SLCO1A2: variants seen among roughly 807,000 people sequenced by gnomAD.
The protein encoded by SLCO1A2 is OATP-1.
A neutral mutation model predicts 69.0 loss-of-function variants in SLCO1A2; 67 were observed. The ratio of observed to expected loss-of-function variants is 0.97; its 90% CI spans 0.80 to 1.19. The LOEUF (loss-of-function observed/expected upper bound fraction) is 1.19, where lower values mean the gene tolerates loss of function less well. Ranked by LOEUF, SLCO1A2 falls within the 50% of genes most tolerant of loss-of-function variation. SLCO1A2 has a pLI of 0.00. For synonymous variants in SLCO1A2, 260 were observed against 265.9 expected (o/e 0.98, Z 0.22); for missense variants, 787 against 793.7 (o/e 0.99, Z 0.10).
intron 2 of SLCO1A2, among the ~76,000 whole-genome samples, chr12:21,325,782 G>A (rs1019464499): frequency 1.3e-5 from 2 of 152,112 alleles, no homozygotes; most frequent in Admixed American, 6.6e-5. Context: ...CCTCTGGGGT[G>A]AGTCCTCTGA....
chr12:21,315,179 G>C (rs989998540), intron 3 of SLCO1A2, among the ~76,000 whole-genome samples: 1 of 152,040 alleles, frequency 6.6e-6, no homozygotes, highest in African/African-American at 2.4e-5. Flanking sequence ...TCTTCATTTT[G>C]GTCAACATGA....
upstream of SLCO1A2, among the ~76,000 whole-genome samples, chr12:21,397,422 T>G (rs1477544350): frequency 6.6e-6 from 1 of 152,054 alleles, no homozygotes; most frequent in African/African-American, 2.4e-5. Flanking sequence ...ACATTAATAA[T>G]GGGAGACTTT....
intron 4 of SLCO1A2, among the ~76,000 whole-genome samples, chr12:21,312,912 A>G (rs1428028635): frequency 1.3e-5 from 2 of 151,848 alleles, no homozygotes; most frequent in Non-Finnish European, 1.5e-5. Flanking sequence ...TGTCTCTACC[A>G]AAAAAATATA....
chr12:21,402,419 T>C (rs960866019), intron 1 of SLCO1A2, among the ~76,000 whole-genome samples: 1 of 152,106 alleles, frequency 6.6e-6, no homozygotes, highest in African/African-American at 2.4e-5. Flanking sequence ...TTATAAAAGA[T>C]GCTAAATCTC....
In SLCO1A2 at chr12:21,330,006, T is replaced by C. The variant is rs11045979; in HGVS notation, c.60+4582A>G. Among the ~76,000 whole-genome samples the C allele has an allele frequency of 6.0e-4, 91 of 152,154 alleles. No homozygotes were observed. In the East Asian group the frequency reaches 0.014, roughly 23 times the overall value. ...TGAATTAAAAGGCATCTTTGGTAGC[T>C]TCCTTCAGTCTGAAAAGCACTTATT... On this transcript the variant is annotated intron_variant, in intron 2 of 14. Transcript: ENST00000683939.
At chr12:21,378,036 A>G (rs568194260) in intron 1 of SLCO1A2, among the ~76,000 whole-genome samples, 11 of 152,300 alleles carry the variant, frequency 7.2e-5, no homozygotes, top group African/African-American at 2.4e-4. Context: ...GTAATGAAAG[A>G]TGTTGTATGA....
intron 1 of SLCO1A2, among the ~76,000 whole-genome samples, chr12:21,409,725 G>T (rs1941877463): frequency 6.6e-6 from 1 of 152,114 alleles, no homozygotes; most frequent in African/African-American, 2.4e-5. Flanking sequence ...TACCATTCTT[G>T]TCTTTGAAAA....
intron 2 of SLCO1A2, among the ~76,000 whole-genome samples, chr12:21,371,107 T>G (rs1033862878): frequency 4.6e-5 from 7 of 152,150 alleles, no homozygotes; most frequent in African/African-American, 1.7e-4. Flanking sequence ...GATTAAGGGA[T>G]GGTTTATGCG....
intron 12 of SLCO1A2, among the ~76,000 whole-genome samples, chr12:21,280,338 A>G (rs1352762124): frequency 6.6e-6 from 1 of 152,136 alleles, no homozygotes; most frequent in Non-Finnish European, 1.5e-5. Context: ...TCTACTAGAA[A>G]CATATGTCAC....
At chr12:21,276,894 C>T (rs943241843) in intron 12 of SLCO1A2, among the ~76,000 whole-genome samples, 4 of 152,264 alleles carry the variant, frequency 2.6e-5, no homozygotes, top group African/African-American at 7.2e-5. Flanking sequence ...ACAGTTAGAA[C>T]TTGAGTTCCA....
intron 2 of SLCO1A2, among the ~76,000 whole-genome samples, chr12:21,366,452 A>C (rs958956306): frequency 6.6e-6 from 1 of 152,134 alleles, no homozygotes; most frequent in African/African-American, 2.4e-5. Context: ...GTAAATGACG[A>C]GTTGACGGGT....
At chr12:21,385,557 G>A (rs1940835627) in intron 1 of SLCO1A2, among the ~76,000 whole-genome samples, 1 of 152,176 alleles carries the variant, frequency 6.6e-6, no homozygotes, top group African/African-American at 2.4e-5. Flanking sequence ...GACTGGTAGG[G>A]GTAAACTGTG....
intron 2 of SLCO1A2, among the ~76,000 whole-genome samples, chr12:21,327,927 C>G (rs1952358720): frequency 6.6e-6 from 1 of 152,088 alleles, no homozygotes; most frequent in South Asian, 2.1e-4. Context: ...GTGTCCCCAC[C>G]AAAATCTCAT....
At chr12:21,306,849 C>G (rs752074640) in intron 5 of SLCO1A2, 33 bp downstream of exon 5, 1 of 1,490,806 alleles carries the variant, frequency 6.7e-7, no homozygotes, top group Non-Finnish European at 9.3e-7. Context: ...TATAAGTTCG[C>G]TGAACAAAAA....
intron 5 of SLCO1A2, among the ~76,000 whole-genome samples, chr12:21,305,907 A>G (rs1290047105): frequency 6.6e-6 from 1 of 152,234 alleles, no homozygotes; most frequent in Non-Finnish European, 1.5e-5. Flanking sequence ...AAAAATGTTG[A>G]GTCATCAGAG....
At chr12:21,377,939 A>C (rs1940321603) in intron 1 of SLCO1A2, among the ~76,000 whole-genome samples, 1 of 152,344 alleles carries the variant, frequency 6.6e-6, no homozygotes, top group East Asian at 1.9e-4. Flanking sequence ...TTAAAAATGT[A>C]AGACAAAGAC....
In SLCO1A2 at chr12:21,359,426, C is replaced by T. The variant is rs557368180; in HGVS notation, c.-63+14973G>A. ...GAAAAAAAAAACACAAACCTGAAAT[C>T]GCCTGGCTAAAAGAACCACAAATAC... On this transcript the variant is annotated intron_variant, in intron 2 of 15. Transcript: ENST00000307378. Among the ~76,000 whole-genome samples the T allele has an allele frequency of 3.9e-5, 6 of 152,228 alleles. No homozygotes were observed. In the East Asian group the frequency reaches 5.8e-4, roughly 15 times the overall value.
chr12:21,405,380 C>T (rs1045179645), intron 1 of SLCO1A2, among the ~76,000 whole-genome samples: 15 of 151,826 alleles, frequency 9.9e-5, no homozygotes, highest in Non-Finnish European at 1.8e-4. Flanking sequence ...GAGTCTTAAA[C>T]TATCATTAAC....
At chr12:21,283,535 C>T (rs1217535225) in intron 12 of SLCO1A2, among the ~76,000 whole-genome samples, 2 of 151,620 alleles carry the variant, frequency 1.3e-5, no homozygotes, top group Non-Finnish European at 2.9e-5. Flanking sequence ...TAATACACCA[C>T]AGGCACAGAT....
Sources: gnomAD v4.1 joint callset for allele counts (sites outside exome capture counted in the v4.1 genomes callset) on GRCh38, gnomAD v4.1.1 for gene constraint, MANE v1.5 for transcripts, NCBI Gene and HGNC (gene_info 2026-07-23, HGNC 2026-07-21) for gene names.